Variants in NIPBL observed in about 807,000 individuals in gnomAD.
NIPBL encodes nipped-B-like protein.
Under a neutral mutation model 321.8 loss-of-function variants are expected in NIPBL, and 19 were observed. The ratio of observed to expected loss-of-function variants is 0.06; its 90% confidence interval spans 0.04 to 0.09. NIPBL has a LOEUF of 0.09. Among genes scored for constraint, NIPBL ranks in the 10% least tolerant of loss-of-function variants. The pLI is 1.00. For missense variants in NIPBL, 2,210 were observed against 3,327.0 expected, an observed-to-expected ratio of 0.66 and a Z score of 8.26; for synonymous variants, 1,106 against 1,114.1, an observed-to-expected ratio of 0.99 and a Z score of 0.14.
chr5:36,951,606 A>C (rs1740299617), intron 1 of NIPBL, among the ~76,000 whole-genome samples: 1 of 152,110 alleles, frequency 6.6e-6, no homozygotes, highest in East Asian at 1.9e-4. Context: ...CAACTTTTTA[A>C]AGTGCTTGAT....
chr5:36,952,067 C>CGT lies in NIPBL; in HGVS notation c.-79-1550_-79-1549insTG, dbSNP rs1374054605. On this transcript the variant is annotated intron_variant, in intron 1 of 46. Coordinates refer to ENST00000282516, the MANE Select transcript of NIPBL (RefSeq NM_133433.4). ...GTGTGTGTGTGTGCGCGCGCGCGCG[C>CGT]GCGCGCATGTGTGTGTGTAGCAGTT... 6.0e-5 allele frequency among the ~76,000 whole-genome samples: 7 copies of CGT among 115,876 alleles called. No homozygotes were observed. In the East Asian group the frequency reaches 7.7e-4, roughly 13 times the overall value. 76.0% of individuals were successfully genotyped at this position (115,876 alleles called of 152,430 possible). A position where few individuals can be genotyped will look rare whatever the true frequency, so the allele number is the denominator to read the frequency against.
At chr5:36,886,515 A>C (rs1406470461) in intron 1 of NIPBL, 3 of 738,144 alleles carry the variant, frequency 4.1e-6, no homozygotes, top group Non-Finnish European at 7.4e-6. Context: ...GAAGCAGGGT[A>C]CCCTTTGGGG....
chr5:37,045,888 A>C (rs1223381441), intron 37 of NIPBL, among the ~76,000 whole-genome samples: 1 of 152,202 alleles, frequency 6.6e-6, no homozygotes, highest in African/African-American at 2.4e-5. Flanking sequence ...AATTTTTTTC[A>C]ATGAAGGAAA....
At chr5:36,948,209 A>G (rs748434811) in intron 1 of NIPBL, among the ~76,000 whole-genome samples, 25 of 151,906 alleles carry the variant, frequency 1.6e-4, no homozygotes, top group Non-Finnish European at 3.2e-4. Context: ...TTGCTTGCCT[A>G]GCATACATAG....
At chr5:36,904,204 C>G (rs1443218377) in intron 1 of NIPBL, among the ~76,000 whole-genome samples, 1 of 152,236 alleles carries the variant, frequency 6.6e-6, no homozygotes, top group East Asian at 1.9e-4. Flanking sequence ...GGTGCGGTGG[C>G]TCGCGCCTCT....
intron 45 of NIPBL, among the ~76,000 whole-genome samples, chr5:37,061,827 AT>A (rs1403579626): frequency 6.6e-6 from 1 of 151,914 alleles, no homozygotes; most frequent in Non-Finnish European, 1.5e-5. Flanking sequence ...TTTAAGTTGT[AT>A]TTTTTATTGT....
At chr5:36,934,792 A>G (rs1750033460) in intron 1 of NIPBL, among the ~76,000 whole-genome samples, 1 of 152,166 alleles carries the variant, frequency 6.6e-6, no homozygotes, top group Admixed American at 6.6e-5. Context: ...GAATTTTTGA[A>G]GAGCTATAGG....
intron 1 of NIPBL, among the ~76,000 whole-genome samples, chr5:36,919,158 G>T (rs1748719124): frequency 6.6e-6 from 1 of 151,806 alleles, no homozygotes; most frequent in Non-Finnish European, 1.5e-5. Flanking sequence ...TTTAATATAG[G>T]ATTACCAGGT....
Position 36,962,109 on chromosome 5 carries a change from G to T in NIPBL, c.459-14G>T. On this transcript the variant is annotated splice_polypyrimidine_tract_variant and intron_variant, in intron 5 of 46. Transcript: ENST00000282516. ...TATTTCCTTATATTTTTTTATTTGG[G>T]TTTTGGGTTTTAGCCGGTTTGTGCC... is the stretch of plus-strand genomic sequence containing the variant. 1.2e-6 allele frequency: 2 copies of T among 1,613,864 alleles called. No homozygotes were observed. Among genetic ancestry groups the T allele is most frequent in the Non-Finnish European group, 1.7e-6 (2 of 1,179,888 alleles).
chr5:36,936,318 A>G (rs981107417), intron 1 of NIPBL, among the ~76,000 whole-genome samples: 2 of 152,162 alleles, frequency 1.3e-5, no homozygotes, highest in African/African-American at 4.8e-5. Context: ...AATGACCTAC[A>G]GGTCCTACAG....
chr5:36,885,369 G>A (rs1745814995), intron 1 of NIPBL: 7 of 458,566 alleles, frequency 1.5e-5, no homozygotes, highest in Admixed American at 7.6e-5. Context: ...ACCAGCTTCC[G>A]CGGCGGCTTG....
At chr5:36,939,191 T>C (rs1297627400) in intron 1 of NIPBL, among the ~76,000 whole-genome samples, 1 of 152,144 alleles carries the variant, frequency 6.6e-6, no homozygotes, top group Non-Finnish European at 1.5e-5. Flanking sequence ...TTTGTAGAGA[T>C]GGGCTTTTGC....
At chr5:36,933,234 A>G (rs1019794946) in intron 1 of NIPBL, among the ~76,000 whole-genome samples, 1 of 152,050 alleles carries the variant, frequency 6.6e-6, no homozygotes, top group Non-Finnish European at 1.5e-5. Context: ...TAGCAGTGTC[A>G]TATTGAATTC....
intron 10 of NIPBL, 98 bp downstream of exon 10, chr5:36,986,399 A>C: frequency 1.2e-6 from 1 of 815,096 alleles, no homozygotes. Context: ...TTAGAAAGCT[A>C]CTACATGAAA....
intron 1 of NIPBL, among the ~76,000 whole-genome samples, chr5:36,889,545 C>CGG (rs1746163806): frequency 6.6e-6 from 1 of 152,110 alleles, no homozygotes; most frequent in South Asian, 2.1e-4. Context: ...ATGAGGATGT[C>CGG]TAAAAACTAG....
chr5:37,063,793 A>G lies in NIPBL; in HGVS notation c.7864A>G (p.Lys2622Glu), dbSNP rs1319626082. The stretch of plus-strand genomic sequence containing the variant: ...AAATAATATCTGTTTTTTGTAGTTC[A>G]AACTTCTCATGGAACATCTGGACCC... ...RSIVKQYLDF[K>E]LLMEHLDPDE... is the part of the protein sequence containing the mutation. Residue 2622 changes from lysine (K) to glutamate (E), a missense_variant, in exon 46 of 47, where the codon AAA (lysine) becomes GAA (glutamate). Transcript: ENST00000282516. The G allele has an allele frequency of 6.2e-7, 1 of 1,612,828 alleles. No individual in the cohort carries two copies. Among genetic ancestry groups the G allele is most frequent in the Non-Finnish European group, 8.5e-7 (1 of 1,179,458 alleles).
intron 34 of NIPBL, among the ~76,000 whole-genome samples, chr5:37,040,242 TA>T (rs1276948542): frequency 6.6e-6 from 1 of 152,200 alleles, no homozygotes; most frequent in Non-Finnish European, 1.5e-5. Flanking sequence ...GTGCATTTTT[TA>T]TGTATGTATG....
chr5:37,031,154 T>C (rs912130647), intron 32 of NIPBL, among the ~76,000 whole-genome samples: 1 of 152,004 alleles, frequency 6.6e-6, no homozygotes, highest in African/African-American at 2.4e-5. Flanking sequence ...TGGCTAATTT[T>C]TTTATATCTT....
intron 1 of NIPBL, among the ~76,000 whole-genome samples, chr5:36,946,220 G>A (rs1739655171): frequency 6.6e-6 from 1 of 151,664 alleles, no homozygotes; most frequent in Non-Finnish European, 1.5e-5. Flanking sequence ...CAATTCTAAG[G>A]TCTGACCTTA....
Sources: gnomAD v4.1 joint callset for allele counts (sites outside exome capture counted in the v4.1 genomes callset) on GRCh38, gnomAD v4.1.1 for gene constraint, MANE v1.5 for transcripts, NCBI Gene and HGNC (gene_info 2026-07-23, HGNC 2026-07-21) for gene names.